LIPT1: variants seen among roughly 807,000 people sequenced by gnomAD.
LIPT1 encodes lipoyltransferase 1.
A neutral mutation model predicts 25.1 loss-of-function variants in LIPT1; 22 were observed. The ratio of observed to expected loss-of-function variants is 0.88; its 90% CI spans 0.63 to 1.25. The LOEUF is 1.25. LIPT1 is among the 50% of genes most tolerant of loss of function. The pLI, the probability that LIPT1 is intolerant of heterozygous loss-of-function variation, is 0.00. For synonymous variants in LIPT1, 131 were observed against 150.8 expected, an observed-to-expected ratio of 0.87 and a Z score of 0.96; for missense variants, 399 against 432.8, an observed-to-expected ratio of 0.92 and a Z score of 0.69.
intron 1 of LIPT1, chr2:99,161,292 AT>A (rs1233217893): frequency 7.8e-4 from 7 of 9,020 alleles, no homozygotes; most frequent in South Asian, 5.5e-3. Context: ...AAAAAAAAAA[AT>A]ATATATATAT....
At chr2:99,161,696 A>G (rs1190605419) in intron 1 of LIPT1, 4 of 348,296 alleles carry the variant, frequency 1.1e-5, no homozygotes, top group Non-Finnish European at 2.1e-5. Context: ...AAGATATATT[A>G]CATAATGTAT....
At chr2:99,157,551 C>G (rs1472412515) in intron 1 of LIPT1, among the ~76,000 whole-genome samples, 1 of 152,230 alleles carries the variant, frequency 6.6e-6, no homozygotes, top group Non-Finnish European at 1.5e-5. Context: ...TTACCAAGAT[C>G]ACTGATAACC....
chr2:99,159,067 T>G (rs1342509533), intron 1 of LIPT1, among the ~76,000 whole-genome samples: 2 of 152,200 alleles, frequency 1.3e-5, no homozygotes, highest in African/African-American at 4.8e-5. Flanking sequence ...CTGCTGGGAC[T>G]ACAGGCGCCC....
Position 99,162,328 on chromosome 2 carries a change from A to G in LIPT1, c.371A>G (p.Tyr124Cys), listed in dbSNP as rs771160985. The change falls in exon 2 of 2, where the codon TAT becomes TGT. Residue 124 changes from tyrosine (Y) to cysteine (C), a missense_variant. Transcript: ENST00000651691. ...ACTTTCTTTACAACCAAAAAAAAGTATGATAGAATGGAAAATCTGAAATTA... is the reference window on the plus strand; with the variant it reads ...ACTTTCTTTACAACCAAAAAAAAGTGTGATAGAATGGAAAATCTGAAATTA... The part of the protein sequence containing the change: ...NLTFFTTKKK[Y>C]DRMENLKLIV... 2.5e-6 allele frequency: 4 copies of G among 1,613,518 alleles called. No homozygotes were observed. Among genetic ancestry groups the G allele is most frequent in the Middle Eastern group, 1.6e-4 (1 of 6,062 alleles).
chr2:99,156,230 T>C (rs1396208399), intron 1 of LIPT1: 2 of 152,214 alleles, frequency 1.3e-5, no homozygotes, highest in Non-Finnish European at 2.9e-5. Context: ...CTATTTAAAA[T>C]TGCAATGTAA....
intron 1 of LIPT1, among the ~76,000 whole-genome samples, chr2:99,159,548 T>G (rs1395993459): frequency 6.6e-6 from 1 of 152,224 alleles, no homozygotes; most frequent in South Asian, 2.1e-4. Context: ...GTATAACAGC[T>G]GAGTTAACAC....
intron 1 of LIPT1, chr2:99,156,484 A>C (rs2093755430): frequency 6.6e-6 from 1 of 152,154 alleles, no homozygotes; most frequent in Non-Finnish European, 1.5e-5. Flanking sequence ...GGCTGGTCTC[A>C]AACTCCTGAC....
chr2:99,157,770 T>G (rs144490284), intron 1 of LIPT1, among the ~76,000 whole-genome samples: 3 of 152,342 alleles, frequency 2.0e-5, no homozygotes, highest in Non-Finnish European at 4.4e-5. Flanking sequence ...TTCAGTCTTA[T>G]GTCGCAGGCC....
In LIPT1 at chr2:99,162,898, C is replaced by G; in HGVS notation, c.941C>G (p.Ala314Gly). The G allele has an allele frequency of 6.2e-7, 1 of 1,613,090 alleles. No individual in the cohort carries two copies. Among genetic ancestry groups the G allele is most frequent in the South Asian group, 1.1e-5 (1 of 90,878 alleles). Residue 314 changes from alanine (A) to glycine (G), a missense_variant, in exon 2 of 2, where the codon GCA (alanine) becomes GGA (glycine). Physicochemically the swap from Ala to Gly is moderately conservative, Grantham distance 60. Coordinates refer to ENST00000651691, the MANE Select transcript of LIPT1 (RefSeq NM_145199.3). ...NGRIEICNIEAPDHWLPLEIR... is the reference protein window; with the variant it reads ...NGRIEICNIEGPDHWLPLEIR... ...AGAATTGAAATTTGTAATATTGAAGCACCTGATCATTGGTTGCCATTGGAA... is the reference window on the plus strand; with the variant it reads ...AGAATTGAAATTTGTAATATTGAAGGACCTGATCATTGGTTGCCATTGGAA...
Position 99,162,150 on chromosome 2 carries a change from T to C in LIPT1, c.193T>C (p.Phe65Leu), listed in dbSNP as rs1460928051. 6.2e-7 allele frequency: 1 copy of C among 1,614,096 alleles called. No individual in the cohort carries two copies. Residue 65 changes from phenylalanine to leucine, a missense_variant, in exon 2 of 2, where the codon TTT becomes CTT. By Grantham distance (22) the Phe-to-Leu change is conservative. Coordinates refer to ENST00000651691, the MANE Select transcript of LIPT1 (RefSeq NM_145199.3). ...TCTAGAAGGCAAACCAATTCTATTC[T>C]TTTGGCAGAATTCTCCCTCTGTTGT... is the stretch of plus-strand genomic sequence containing the variant. Reference protein sequence around the residue: ...MNLEGKPILFFWQNSPSVVIG... With the variant: ...MNLEGKPILFLWQNSPSVVIG...
chr2:99,162,163 C>A lies in LIPT1; in HGVS notation c.206C>A (p.Ser69Tyr). 6.2e-7 allele frequency: 1 copy of A among 1,613,938 alleles called. No homozygotes were observed. The highest frequency in any genetic ancestry group is 2.2e-5 in the East Asian group (1 of 44,860). Reference sequence around the variant, plus strand: ...CCAATTCTATTCTTTTGGCAGAATTCTCCCTCTGTTGTAATTGGTAGGCAT... The same window carrying A: ...CCAATTCTATTCTTTTGGCAGAATTATCCCTCTGTTGTAATTGGTAGGCAT... The part of the protein sequence containing the change: ...GKPILFFWQN[S>Y]PSVVIGRHQN... The change falls in exon 2 of 2, where the codon TCT (serine) becomes TAT (tyrosine). Residue 69 changes from serine (S) to tyrosine (Y), a missense_variant. Ser to Tyr is a moderately radical substitution (Grantham distance 144). Coordinates refer to ENST00000651691, the MANE Select transcript of LIPT1 (RefSeq NM_145199.3).
At chr2:99,160,191 A>G (rs2093777479) in intron 1 of LIPT1, among the ~76,000 whole-genome samples, 1 of 152,074 alleles carries the variant, frequency 6.6e-6, no homozygotes, top group African/African-American at 2.4e-5. Context: ...AGGATCACTG[A>G]AGCCCAGGAG....
At chr2:99,161,839 A>G in intron 1 of LIPT1, 118 bp from the exon 2 acceptor site, 1 of 842,760 alleles carries the variant, frequency 1.2e-6, no homozygotes. Context: ...AAAAGCCAAA[A>G]GCAACTGCAC....
chr2:99,160,141 C>G (rs2093777186), intron 1 of LIPT1, among the ~76,000 whole-genome samples: 1 of 152,114 alleles, frequency 6.6e-6, no homozygotes, highest in Non-Finnish European at 1.5e-5. Flanking sequence ...GTGTAGTGGC[C>G]CATGCCTATA....
chr2:99,155,463 G>T (rs2093742329), intron 1 of LIPT1: 1 of 455,928 alleles, frequency 2.2e-6, no homozygotes, highest in Non-Finnish European at 4.4e-6. Flanking sequence ...AGATGGGATT[G>T]TGCTGTTTTC....
chr2:99,162,424 T>C lies in LIPT1; in HGVS notation c.467T>C (p.Leu156Pro), dbSNP rs778217082. 25 of 1,614,042 alleles carry C rather than the reference T, an allele frequency of 1.5e-5. No individual in the cohort carries two copies. The South Asian group carries it at 2.7e-4, about 18-fold the overall frequency. Reference sequence around the variant, plus strand: ...GCTACCAAAAGATTTGACCTTTTACTTGATGGACAGTTTAAAATCTCAGGA... The same window carrying C: ...GCTACCAAAAGATTTGACCTTTTACCTGATGGACAGTTTAAAATCTCAGGA... The part of the protein sequence containing the change: ...VQATKRFDLL[L>P]DGQFKISGTA... Residue 156 changes from leucine to proline, a missense_variant, in exon 2 of 2, where the codon CTT becomes CCT. By Grantham distance (98) the Leu-to-Pro change is moderately conservative (BLOSUM62 -3). Transcript: ENST00000651691.
At chr2:99,155,197 C>T in intron 1 of LIPT1, 146 bp downstream of exon 1, 1 of 392,556 alleles carries the variant, frequency 2.5e-6, no homozygotes, top group South Asian at 1.8e-5. Flanking sequence ...CTTGTGTGCA[C>T]ACTTTCTCCT....
chr2:99,155,147 G>T (rs1292892605), intron 1 of LIPT1, 96 bp downstream of exon 1: 1 of 439,560 alleles, frequency 2.3e-6, no homozygotes. Flanking sequence ...TCTGGCGGTG[G>T]GTCAGGACTT....
chr2:99,155,310 G>A (rs2093739799), intron 1 of LIPT1: 1 of 368,282 alleles, frequency 2.7e-6, no homozygotes, highest in Non-Finnish European at 5.4e-6. Flanking sequence ...CTGTGTGCAC[G>A]CCCCCTGGGA....
Sources: allele counts gnomAD v4.1 joint callset (sites outside exome capture counted in the v4.1 genomes callset), GRCh38; gene constraint gnomAD v4.1.1; transcripts MANE v1.5; gene names NCBI Gene and HGNC (gene_info 2026-07-23, HGNC 2026-07-21).